Variants in ERC1 observed in about 807,000 individuals in gnomAD.
ERC1 encodes RAB6 interacting protein 2.
ERC1 carries 56 observed loss-of-function variants against 132.0 expected under a neutral mutation model. The observed-to-expected ratio is 0.42, with a 90% confidence interval of 0.34 to 0.53. The LOEUF is 0.53. Ranked by LOEUF, ERC1 falls within the 20% of genes least tolerant of loss-of-function variation. The pLI is 0.03. For synonymous variants in ERC1, 478 were observed against 476.1 expected, an observed-to-expected ratio of 1.00 and a Z score of -0.05; for missense variants, 1,202 against 1,349.9, an observed-to-expected ratio of 0.89 and a Z score of 1.72.
chr12:1,146,745 G>C (rs1329547007), intron 8 of ERC1, among the ~76,000 whole-genome samples: 1 of 151,138 alleles, frequency 6.6e-6, no homozygotes, highest in Non-Finnish European at 1.5e-5. Flanking sequence ...TTTAGCATTA[G>C]GTATATCTCC....
chr12:1,079,279 TACG>T (rs1230780286), intron 2 of ERC1, among the ~76,000 whole-genome samples: 10 of 151,528 alleles, frequency 6.6e-5, no homozygotes, highest in South Asian at 4.2e-4. Context: ...TGATTTGTAA[TACG>T]ACAAGTCGAT....
chr12:1,255,867 C>T (rs2154318475), intron 13 of ERC1, among the ~76,000 whole-genome samples: 1 of 151,836 alleles, frequency 6.6e-6, no homozygotes, highest in East Asian at 1.9e-4. Flanking sequence ...TCTCAATCTC[C>T]TGACCTCGTG....
chr12:1,436,155 G>GACACAC (rs139467911), intron 17 of ERC1, among the ~76,000 whole-genome samples: 3,964 of 148,702 alleles, frequency 0.027, 68 homozygotes, highest in African/African-American at 0.043. Flanking sequence ...CAGACAGACG[G>GACACAC]ACACACACAC....
Position 1,018,714 on chromosome 12 carries a change from C to T in ERC1, c.-156-9034C>T, listed in dbSNP as rs368503594. 3.3e-4 allele frequency among the ~76,000 whole-genome samples: 51 copies of T among 152,254 alleles called. 2 individuals are homozygous for T. The South Asian group carries it at 8.9e-3, about 27-fold the overall frequency. On this transcript the variant is annotated intron_variant, in intron 1 of 18. Coordinates refer to ENST00000360905, the MANE Select transcript of ERC1 (RefSeq NM_178040.4). ...TTACGTGGATTTAGGTTAATTGTGG[C>T]GTTGGCAAACACTTACTGCCTGCTT...
At chr12:1,233,771 A>G (rs910481660) in intron 12 of ERC1, among the ~76,000 whole-genome samples, 4 of 152,170 alleles carry the variant, frequency 2.6e-5, no homozygotes, top group African/African-American at 9.7e-5. Flanking sequence ...AAAAGGGTAC[A>G]TTGGAGGAGG....
At chr12:1,098,576 A>G (rs1314098137) in intron 3 of ERC1, among the ~76,000 whole-genome samples, 1 of 152,258 alleles carries the variant, frequency 6.6e-6, no homozygotes, top group Non-Finnish European at 1.5e-5. Context: ...AGCCACTGGA[A>G]TGGCAGTGCC....
chr12:1,149,350 T>G (rs1950639865), intron 8 of ERC1, among the ~76,000 whole-genome samples: 1 of 152,188 alleles, frequency 6.6e-6, no homozygotes, highest in South Asian at 2.1e-4. Flanking sequence ...AGAAGATTAG[T>G]GCTTACAGCT....
intron 15 of ERC1, among the ~76,000 whole-genome samples, chr12:1,330,593 T>C (rs2082791820): frequency 6.6e-6 from 1 of 152,134 alleles, no homozygotes; most frequent in South Asian, 2.1e-4. Context: ...ACCTCTACTC[T>C]TCCTTCCACT....
At chr12:1,009,243 C>T (rs534556366) in intron 1 of ERC1, among the ~76,000 whole-genome samples, 36 of 151,480 alleles carry the variant, frequency 2.4e-4, no homozygotes, top group Admixed American at 7.9e-4. Flanking sequence ...GGCACTATCT[C>T]GGCTCACTGC....
At position 1,447,517 on chromosome 12, in the gene ERC1, AAAAC is replaced by A. The variant is rs779380511; in HGVS notation, c.3213+2777_3213+2780del. Among the ~76,000 whole-genome samples the A allele has an allele frequency of 1.3e-4, 20 of 151,294 alleles. 1 individual carries two copies. In the East Asian group the frequency reaches 2.5e-3, roughly 19 times the overall value. On this transcript the variant is annotated intron_variant, in intron 18 of 18. Coordinates refer to ENST00000360905, the MANE Select transcript of ERC1 (RefSeq NM_178040.4). The stretch of plus-strand genomic sequence containing the variant: ...GGTGGCAGAGTGAGACCCCGTCTCA[AAAAC>A]AAACAAACAGCAACAACAACAACAA...
At position 997,797 on chromosome 12, in the gene ERC1, G is replaced by T. The variant is rs187979846; in HGVS notation, c.-157+6475G>T. 6.8e-4 allele frequency among the ~76,000 whole-genome samples: 104 copies of T among 152,280 alleles called. 1 individual carries two copies. Among genetic ancestry groups the T allele is most frequent in the Admixed American group, 2.6e-3 (40 of 15,284 alleles). On this transcript the variant is annotated intron_variant, in intron 1 of 18. Coordinates refer to ENST00000360905, the MANE Select transcript of ERC1 (RefSeq NM_178040.4). ...CATTTCCCAGTATTGGGTGTGGAGT[G>T]GAAGAGACTGAGTAGCTTTCACTTA... is the stretch of plus-strand genomic sequence containing the variant.
At chr12:1,289,393 A>C (rs2079273230) in intron 14 of ERC1, among the ~76,000 whole-genome samples, 1 of 151,924 alleles carries the variant, frequency 6.6e-6, no homozygotes, top group African/African-American at 2.4e-5. Context: ...TAAATAGGAA[A>C]ATTTTAGTTT....
chr12:1,484,320 C>A lies in ERC1; in HGVS notation c.3214-5773C>A, dbSNP rs1204891936. 5.3e-5 allele frequency among the ~76,000 whole-genome samples: 8 copies of A among 151,154 alleles called. No homozygotes were observed. In the East Asian group the frequency reaches 1.2e-3, roughly 22 times the overall value. Reference sequence around the variant, plus strand: ...CTCCGTCTCAAAAAAAAAAAAAATTCTTTGTTCCTACAAATTGCCTTAGTA... The same window carrying A: ...CTCCGTCTCAAAAAAAAAAAAAATTATTTGTTCCTACAAATTGCCTTAGTA... On this transcript the variant is annotated intron_variant, in intron 18 of 18. Transcript: ENST00000360905.
chr12:1,075,231 T>C (rs551801150), intron 2 of ERC1, among the ~76,000 whole-genome samples: 10 of 152,332 alleles, frequency 6.6e-5, no homozygotes, highest in African/African-American at 2.4e-4. Context: ...AGTGGGGTTA[T>C]ATCTGTGTAT....
At chr12:1,145,030 T>G (rs991092521) in intron 8 of ERC1, among the ~76,000 whole-genome samples, 1 of 152,108 alleles carries the variant, frequency 6.6e-6, no homozygotes, top group Non-Finnish European at 1.5e-5. Context: ...GAGCTTTTTT[T>G]TTTTGAGATG....
At chr12:1,063,669 T>A (rs1226969196) in intron 2 of ERC1, among the ~76,000 whole-genome samples, 1 of 152,224 alleles carries the variant, frequency 6.6e-6, no homozygotes, top group African/African-American at 2.4e-5. Flanking sequence ...AGCCTATATC[T>A]TTTAATTGGG....
chr12:1,194,400 G>A lies in ERC1; in HGVS notation c.2351+4348G>A, dbSNP rs184145850. On this transcript the variant is annotated intron_variant, in intron 12 of 18. Coordinates refer to ENST00000360905, the MANE Select transcript of ERC1 (RefSeq NM_178040.4). ...CATGCCATCGCCCTCCAGCCTGGGT[G>A]ACAGAGCGAGACTCTGTCTCAAAAA... Among the ~76,000 whole-genome samples, 199 of 152,192 alleles carry A rather than the reference G, an allele frequency of 1.3e-3. 2 individuals are homozygous for A. The highest frequency in any genetic ancestry group is 4.5e-3 in the African/African-American group (187 of 41,540).
Position 1,493,087 on chromosome 12 carries a change from GT to G in ERC1, c.*2861del. The G allele has an allele frequency of 4.5e-6, 1 of 220,428 alleles. No homozygotes were observed. The highest frequency in any genetic ancestry group is 9.1e-6 in the Non-Finnish European group (1 of 109,888). 13.7% of individuals were successfully genotyped at this position (220,428 alleles called of 1,614,324 possible). On this transcript the variant is annotated 3_prime_UTR_variant, in exon 19 of 19. Coordinates refer to ENST00000360905, the MANE Select transcript of ERC1 (RefSeq NM_178040.4). ...GAAGAGTGGGTGTGATCCCAACGGG[GT>G]TTTGTAACTGAAGAAGCCCAGTGTG... is the stretch of plus-strand genomic sequence containing the variant.
intron 1 of ERC1, among the ~76,000 whole-genome samples, chr12:993,797 G>A (rs1271056856): frequency 6.6e-6 from 1 of 152,308 alleles, no homozygotes; most frequent in East Asian, 1.9e-4. Flanking sequence ...AGCTACTCAG[G>A]AGGCTGAGGC....
Sources: gnomAD v4.1 joint callset for allele counts (sites outside exome capture counted in the v4.1 genomes callset) on GRCh38, gnomAD v4.1.1 for gene constraint, MANE v1.5 for transcripts, NCBI Gene and HGNC (gene_info 2026-07-23, HGNC 2026-07-21) for gene names.